PIP4K2A: variants seen among roughly 807,000 people sequenced by gnomAD.
PIP4K2A encodes the protein phosphatidylinositol-5-phosphate 4-kinase type 2 alpha, also known as phosphatidylinositol 5-phosphate 4-kinase type-2 alpha.
PIP4K2A carries 14 observed loss-of-function variants against 42.9 expected under a neutral mutation model. That is an observed-to-expected ratio of 0.33 (90% CI 0.22 to 0.51). PIP4K2A has a LOEUF of 0.51. Ranked by LOEUF, PIP4K2A falls within the 20% of genes least tolerant of loss-of-function variation. PIP4K2A has a pLI of 0.97. For synonymous variants in PIP4K2A, 192 were observed against 192.2 expected, an observed-to-expected ratio of 1.00 and a Z score of 0.01; for missense variants, 434 against 519.8, an observed-to-expected ratio of 0.83 and a Z score of 1.61.
intron 4 of PIP4K2A, among the ~76,000 whole-genome samples, chr10:22,584,211 G>C (rs1837341114): frequency 6.6e-6 from 1 of 151,972 alleles, no homozygotes; most frequent in Admixed American, 6.6e-5. Flanking sequence ...AAGAAACAAA[G>C]GATGCAATTT....
In PIP4K2A at chr10:22,584,065, A is replaced by ACT. The variant is rs1411531585; in HGVS notation, c.492+7562_492+7563dup. Among the ~76,000 whole-genome samples, 7 of 152,100 alleles carry ACT rather than the reference A, an allele frequency of 4.6e-5. No individual in the cohort carries two copies. The East Asian group carries it at 1.4e-3, about 29-fold the overall frequency. ...ATCCTGATCAACATCTTGACCCCAA[A>ACT]CTGTGTCATCATCTGGTTGGGCAAG... On this transcript the variant is annotated intron_variant, in intron 4 of 9. Transcript: ENST00000376573.
chr10:22,591,514 T>C (rs1281516686), intron 4 of PIP4K2A, 115 bp downstream of exon 4: 9 of 807,770 alleles, frequency 1.1e-5, no homozygotes, highest in Middle Eastern at 2.4e-4. Flanking sequence ...GAGATGTTTA[T>C]GTGAAATGTG....
Position 22,577,651 on chromosome 10 carries a change from G to C in PIP4K2A, c.493-4194C>G, listed in dbSNP as rs146951338. 8.4e-3 allele frequency among the ~76,000 whole-genome samples: 1,273 copies of C among 152,294 alleles called. 6 individuals carry two copies. The highest frequency in any genetic ancestry group is 0.014 in the Non-Finnish European group (928 of 68,010). Reference sequence around the variant, plus strand: ...CCTCACAGCAACACAAATAGGCAAAGACACTCAGTGCTTGCACGGTGGATC... The same window carrying C: ...CCTCACAGCAACACAAATAGGCAAACACACTCAGTGCTTGCACGGTGGATC... On this transcript the variant is annotated intron_variant, in intron 4 of 9. Transcript: ENST00000376573.
At chr10:22,570,057 C>T (rs949670060) in intron 5 of PIP4K2A, among the ~76,000 whole-genome samples, 14 of 151,598 alleles carry the variant, frequency 9.2e-5, no homozygotes, top group African/African-American at 2.2e-4. Flanking sequence ...TTGTCCGAGG[C>T]GCTATCTTAG....
chr10:22,574,328 G>A (rs1270737357), intron 4 of PIP4K2A, among the ~76,000 whole-genome samples: 1 of 152,102 alleles, frequency 6.6e-6, no homozygotes, highest in Non-Finnish European at 1.5e-5. Flanking sequence ...AGCATAAATG[G>A]TGAGATTCCA....
chr10:22,702,688 C>T (rs1833736396), intron 1 of PIP4K2A, among the ~76,000 whole-genome samples: 1 of 152,100 alleles, frequency 6.6e-6, no homozygotes, highest in African/African-American at 2.4e-5. Context: ...CAGCAAAATG[C>T]TCTAAAATGC....
At chr10:22,612,837 C>T (rs1257803684) in intron 1 of PIP4K2A, among the ~76,000 whole-genome samples, 2 of 151,994 alleles carry the variant, frequency 1.3e-5, no homozygotes, top group Non-Finnish European at 2.9e-5. Flanking sequence ...TCAGGTAGGC[C>T]GTGGACAGGT....
At chr10:22,546,990 C>T (rs117345762) in intron 7 of PIP4K2A, among the ~76,000 whole-genome samples, 505 of 152,288 alleles carry the variant, frequency 3.3e-3, no homozygotes, top group Middle Eastern at 6.8e-3. Context: ...CCTGCTGGAC[C>T]TCACATCTGC....
At chr10:22,570,850 AAC>A (rs1836967679) in intron 5 of PIP4K2A, among the ~76,000 whole-genome samples, 1 of 152,030 alleles carries the variant, frequency 6.6e-6, no homozygotes, top group Non-Finnish European at 1.5e-5. Flanking sequence ...AAAAAAAAAA[AAC>A]AATGAAAAAA....
chr10:22,691,442 T>C (rs908843133), intron 1 of PIP4K2A, among the ~76,000 whole-genome samples: 1 of 145,952 alleles, frequency 6.9e-6, no homozygotes, highest in African/African-American at 2.7e-5. Context: ...TTCCTTCCAC[T>C]GCATATGCAT....
intron 1 of PIP4K2A, among the ~76,000 whole-genome samples, chr10:22,700,706 A>T (rs1466131231): frequency 6.6e-6 from 1 of 152,244 alleles, no homozygotes; most frequent in Non-Finnish European, 1.5e-5. Context: ...AGAATGCTAC[A>T]GAGGTCATTC....
chr10:22,636,572 T>C (rs1052887425), intron 1 of PIP4K2A, among the ~76,000 whole-genome samples: 1 of 151,440 alleles, frequency 6.6e-6, no homozygotes, highest in African/African-American at 2.5e-5. Context: ...TCAAAACTTA[T>C]TATGCACTCA....
At chr10:22,635,123 G>A (rs1016647685) in intron 1 of PIP4K2A, among the ~76,000 whole-genome samples, 1 of 152,090 alleles carries the variant, frequency 6.6e-6, no homozygotes, top group African/African-American at 2.4e-5. Flanking sequence ...GACAGATTTG[G>A]GGGGCAGTGA....
intron 1 of PIP4K2A, among the ~76,000 whole-genome samples, chr10:22,663,938 C>T (rs1049877744): frequency 1.3e-5 from 2 of 148,202 alleles, no homozygotes; most frequent in Non-Finnish European, 3.0e-5. Context: ...AAAGACATTC[C>T]TAATTAGCTA....
At chr10:22,580,115 C>A (rs1320153027) in intron 4 of PIP4K2A, among the ~76,000 whole-genome samples, 3 of 151,716 alleles carry the variant, frequency 2.0e-5, no homozygotes, top group Non-Finnish European at 4.4e-5. Context: ...CAAATGCTCT[C>A]AGAGACACGG....
intron 1 of PIP4K2A, among the ~76,000 whole-genome samples, chr10:22,633,633 G>A (rs1308828057): frequency 1.3e-5 from 2 of 152,172 alleles, no homozygotes; most frequent in Admixed American, 1.3e-4. Context: ...AGGGATCCGA[G>A]ACATGGCAGG....
At chr10:22,537,944 C>T (rs1457700138) in intron 9 of PIP4K2A, among the ~76,000 whole-genome samples, 1 of 152,204 alleles carries the variant, frequency 6.6e-6, no homozygotes, top group Admixed American at 6.5e-5. Context: ...CACTGTTCCC[C>T]TTTCTGAGCC....
At chr10:22,577,355 G>T (rs1212608805) in intron 4 of PIP4K2A, among the ~76,000 whole-genome samples, 5 of 152,208 alleles carry the variant, frequency 3.3e-5, no homozygotes, top group African/African-American at 9.6e-5. Context: ...TGTTGGAGGT[G>T]GTGCTCGGTG....
chr10:22,576,404 C>T (rs1475392048), intron 4 of PIP4K2A, among the ~76,000 whole-genome samples: 8 of 152,140 alleles, frequency 5.3e-5, no homozygotes, highest in African/African-American at 9.7e-5. Context: ...AGCACAAACT[C>T]GTAACACCAG....
Sources: gnomAD v4.1 joint callset for allele counts (sites outside exome capture counted in the v4.1 genomes callset) on GRCh38, gnomAD v4.1.1 for gene constraint, MANE v1.5 for transcripts, NCBI Gene and HGNC (gene_info 2026-07-23, HGNC 2026-07-21) for gene names.